The following CR1L variants were observed in gnomAD, a reference collection of about 807,000 sequenced individuals.
CR1L encodes complement C3b/C4b receptor 1 like.
A neutral mutation model predicts 62.3 loss-of-function variants in CR1L; 59 were observed. That is an observed-to-expected ratio of 0.95 (90% CI 0.77 to 1.18). The LOEUF (loss-of-function observed/expected upper bound fraction) is 1.18, where lower values mean the gene tolerates loss of function less well. Among genes scored for constraint, CR1L ranks in the 50% most tolerant of loss-of-function variants. CR1L has a pLI of 0.00. For synonymous variants in CR1L, 279 were observed against 248.7 expected, an observed-to-expected ratio of 1.12 and a Z score of -1.15; for missense variants, 700 against 702.8, an observed-to-expected ratio of 1.00 and a Z score of 0.04.
rs151335737 is a variant in CR1L at position 207,697,606 on chromosome 1, C to T, written c.966C>T (p.Tyr322=). 4.2e-3 allele frequency: 6,740 copies of T among 1,613,910 alleles called. 123 individuals are homozygous for T. The East Asian group carries it at 0.054, about 13-fold the overall frequency. Reference sequence around the variant, plus strand: ...TGTTCTACAGCTGTGAGCCCGGCTACGACCTCAGAGGATCTACGTATTTGC... The same window carrying T: ...TGTTCTACAGCTGTGAGCCCGGCTATGACCTCAGAGGATCTACGTATTTGC... ...QEVFYSCEPG[Y]DLRGSTYLHC... The change falls in exon 6 of 12, where the codon TAC becomes TAT. Residue 322 remains tyrosine (Y), a synonymous_variant. Transcript: ENST00000508064.
In CR1L at chr1:207,657,176, G is replaced by A; in HGVS notation, c.97+11846G>A. The A allele has an allele frequency of 4.0e-6, 4 of 999,348 alleles. No homozygotes were observed. In the South Asian group the frequency reaches 5.2e-5, roughly 13 times the overall value. 61.9% of individuals were successfully genotyped at this position (999,348 alleles called of 1,614,324 possible). On this transcript the variant is annotated intron_variant, in intron 1 of 11. Transcript: ENST00000508064. ...AAAAAATGGAAAACACACCTTTAGT[G>A]AAGTAGAAGTATTTGAGTATCTTAA...
intron 1 of CR1L, among the ~76,000 whole-genome samples, chr1:207,667,402 G>A (rs371731144): frequency 7.2e-5 from 11 of 152,288 alleles, no homozygotes; most frequent in South Asian, 4.1e-4. Flanking sequence ...GCTCATGGCA[G>A]CAACACTCTG....
At chr1:207,661,896 C>T (rs1394072680) in intron 1 of CR1L, among the ~76,000 whole-genome samples, 2 of 152,046 alleles carry the variant, frequency 1.3e-5, no homozygotes, top group African/African-American at 4.8e-5. Flanking sequence ...ATTTCTCCTT[C>T]ACTTATGAAG....
At chr1:207,648,202 CACAG>C (rs1308120901) in intron 1 of CR1L, among the ~76,000 whole-genome samples, 3 of 37,464 alleles carry the variant, frequency 8.0e-5, no homozygotes, top group Admixed American at 2.4e-4. Flanking sequence ...CACACACACA[CACAG>C]ACACACACAC....
At chr1:207,665,192 T>C in intron 1 of CR1L, among the ~76,000 whole-genome samples, 1 of 151,988 alleles carries the variant, frequency 6.6e-6, no homozygotes, top group Non-Finnish European at 1.5e-5. Flanking sequence ...TAGCTGGGGC[T>C]ACAGGCACCC....
chr1:207,709,129 T>A, intron 10 of CR1L: 1 of 214,352 alleles, frequency 4.7e-6, no homozygotes, highest in Non-Finnish European at 9.3e-6. Context: ...CTGGGCCAGG[T>A]GTGGTGGCTC....
chr1:207,685,973 A>G (rs560295019), intron 4 of CR1L, among the ~76,000 whole-genome samples: 13 of 151,618 alleles, frequency 8.6e-5, no homozygotes, highest in Non-Finnish European at 1.8e-4. Flanking sequence ...CAAAACCACC[A>G]GATAATTATA....
chr1:207,692,348 A>C (rs934031873), intron 4 of CR1L, among the ~76,000 whole-genome samples: 4 of 152,334 alleles, frequency 2.6e-5, no homozygotes, highest in African/African-American at 9.6e-5. Context: ...GAATATGTTT[A>C]GCTTTCTCAT....
intron 7 of CR1L, 142 bp downstream of exon 7, chr1:207,698,015 T>G (rs1664133785): frequency 1.5e-6 from 2 of 1,361,292 alleles, no homozygotes; most frequent in African/African-American, 2.9e-5. Context: ...GATGAACTTT[T>G]GAAAGTATAT....
chr1:207,710,928 A>C lies in CR1L; in HGVS notation c.1414+2665A>C, dbSNP rs971750408. 3.4e-6 allele frequency: 3 copies of C among 877,444 alleles called. No homozygotes were observed. The African/African-American group carries it at 5.2e-5, about 15-fold the overall frequency. The allele number at this position is 877,444 out of a possible 1,614,324, so 54.4% of individuals were successfully genotyped here. A position where few individuals can be genotyped will look rare whatever the true frequency, so the allele number is the denominator to read the frequency against. Reference sequence around the variant, plus strand: ...TGGGGGAAGAAGCATGAAATTAAGAATCTGGGGTGTGCAAGCACTCATGCA... The same window carrying C: ...TGGGGGAAGAAGCATGAAATTAAGACTCTGGGGTGTGCAAGCACTCATGCA... On this transcript the variant is annotated intron_variant, in intron 10 of 11. Coordinates refer to ENST00000508064, the MANE Select transcript of CR1L (RefSeq NM_175710.2).
chr1:207,701,387 C>T, intron 8 of CR1L, 132 bp from the exon 9 acceptor site: 4 of 1,200,110 alleles, frequency 3.3e-6, no homozygotes, highest in Non-Finnish European at 4.8e-6. Flanking sequence ...TGAGTTTTCT[C>T]AAGGTGCCAA....
Position 207,650,241 on chromosome 1 carries a change from T to C in CR1L, c.97+4911T>C, listed in dbSNP as rs971178635. On this transcript the variant is annotated intron_variant, in intron 1 of 11. Transcript: ENST00000508064. ...GTGTATATATTCTCCCAGGGGGACC[T>C]GCAGAATGGAATCACAGGAAGTCCT... is the stretch of plus-strand genomic sequence containing the variant. Among the ~76,000 whole-genome samples the C allele has an allele frequency of 3.3e-5, 5 of 152,274 alleles. No homozygotes were observed. The East Asian group carries it at 9.7e-4, about 29-fold the overall frequency.
intron 8 of CR1L, among the ~76,000 whole-genome samples, chr1:207,700,365 T>G (rs1426545795): frequency 6.6e-6 from 1 of 152,204 alleles, no homozygotes; most frequent in Non-Finnish European, 1.5e-5. Flanking sequence ...TTGATTGGAC[T>G]ACTCAAGCTT....
At chr1:207,669,793 G>T (rs1234896265) in intron 1 of CR1L, among the ~76,000 whole-genome samples, 1 of 151,300 alleles carries the variant, frequency 6.6e-6, no homozygotes, top group Non-Finnish European at 1.5e-5. Context: ...ACGTGCAGGG[G>T]CTTAAGTCGT....
At chr1:207,714,699 CA>C (rs1653947640) in intron 10 of CR1L, among the ~76,000 whole-genome samples, 1 of 152,144 alleles carries the variant, frequency 6.6e-6, no homozygotes, top group African/African-American at 2.4e-5. Context: ...TTTCCAATTT[CA>C]GAACGATTTT....
chr1:207,723,621 CA>C lies in CR1L; in HGVS notation c.1647del (p.His550MetfsTer5), dbSNP rs755983888. 6.3e-7 allele frequency: 1 copy of C among 1,594,996 alleles called. No homozygotes were observed. The highest frequency in any genetic ancestry group is 1.1e-5 in the South Asian group (1 of 88,206). On this transcript the variant is annotated frameshift_variant, in exon 12 of 12. Transcript: ENST00000508064. LOFTEE classifies it low-confidence loss of function (END_TRUNC). ...GTGACTTTTGTCTTCCTTTTAGGTT[CA>C]CATGATGCTCTTATAGTTGGTAAGT... is the stretch of plus-strand genomic sequence containing the variant. ...PRCELPVGAGSHDALIVGKFY... is the reference protein window; with the variant it reads ...PRCELPVGAGXHDALIVGKFY...
At chr1:207,694,172 T>C (rs960129138) in intron 4 of CR1L, among the ~76,000 whole-genome samples, 181 bp from the exon 5 acceptor site, 2 of 152,158 alleles carry the variant, frequency 1.3e-5, no homozygotes, top group Admixed American at 6.6e-5. Flanking sequence ...TAGGAAATCA[T>C]ATAAGTAAGA....
At chr1:207,677,119 G>A (rs1387442495) in intron 1 of CR1L, among the ~76,000 whole-genome samples, 1 of 151,900 alleles carries the variant, frequency 6.6e-6, no homozygotes, top group Non-Finnish European at 1.5e-5. Flanking sequence ...CTGAGGTCAG[G>A]AGTTTGAGCC....
At chr1:207,704,152 A>T (rs1664235172) in intron 9 of CR1L, among the ~76,000 whole-genome samples, 1 of 152,228 alleles carries the variant, frequency 6.6e-6, no homozygotes, top group African/African-American at 2.4e-5. Flanking sequence ...GGAGTTTGGT[A>T]GAAGTTGATT....
Sources: gnomAD v4.1 joint callset for allele counts (sites outside exome capture counted in the v4.1 genomes callset) on GRCh38, gnomAD v4.1.1 for gene constraint, MANE v1.5 for transcripts, NCBI Gene and HGNC (gene_info 2026-07-23, HGNC 2026-07-21) for gene names.